Variants in TFEC observed in about 807,000 individuals in gnomAD.
TFEC encodes transcription factor EC.
In TFEC, 31 loss-of-function variants were observed where a neutral mutation model predicts 41.6. The observed-to-expected ratio is 0.74, with a 90% CI of 0.56 to 1.01. The LOEUF (loss-of-function observed/expected upper bound fraction) is 1.01. TFEC is among the 50% of genes least tolerant of loss of function. The pLI is 0.00. For missense variants in TFEC, 402 were observed against 404.1 expected, an observed-to-expected ratio of 0.99 and a Z score of 0.04; for synonymous variants, 143 against 140.6, an observed-to-expected ratio of 1.02 and a Z score of -0.12.
At chr7:116,144,763 G>A (rs1798609721) in intron 1 of TFEC, among the ~76,000 whole-genome samples, 1 of 152,168 alleles carries the variant, frequency 6.6e-6, no homozygotes, top group South Asian at 2.1e-4. Context: ...AAGATTTCCA[G>A]AAGAAGCAGC....
intron 1 of TFEC, among the ~76,000 whole-genome samples, chr7:116,013,477 T>C (rs1795077787): frequency 6.6e-6 from 1 of 152,132 alleles, no homozygotes. Flanking sequence ...CCTCATGGAC[T>C]AACTGAAAGC....
chr7:115,952,545 T>C (rs1231240369), intron 5 of TFEC, among the ~76,000 whole-genome samples: 1 of 152,088 alleles, frequency 6.6e-6, no homozygotes, highest in Non-Finnish European at 1.5e-5. Context: ...CTGTCACATT[T>C]CTTTAAGATA....
intron 1 of TFEC, among the ~76,000 whole-genome samples, chr7:116,025,046 G>A (rs540343281): frequency 4.6e-5 from 7 of 152,194 alleles, no homozygotes; most frequent in South Asian, 2.1e-4. Context: ...GAGACAGCTC[G>A]GTATAACCAG....
intron 3 of TFEC, among the ~76,000 whole-genome samples, chr7:116,108,851 T>C (rs1233119846): frequency 6.6e-6 from 1 of 152,172 alleles, no homozygotes; most frequent in East Asian, 1.9e-4. Flanking sequence ...ATCTTTCACA[T>C]TGAATAAGTC....
In TFEC at chr7:115,936,661, A is replaced by G. The variant is rs1362821495; in HGVS notation, c.*3890T>C. On this transcript the variant is annotated 3_prime_UTR_variant, in exon 8 of 8. Coordinates refer to ENST00000265440, the MANE Select transcript of TFEC (RefSeq NM_012252.4). ...CCTATATGACTCAGTTTTTCAAAAT[A>G]AAATAAAAATATATTCCTTTTAAAG... 1 of 151,694 alleles carries G rather than the reference A, an allele frequency of 6.6e-6. No homozygotes were observed. The highest frequency in any genetic ancestry group is 1.5e-5 in the Non-Finnish European group (1 of 67,672). 9.4% of individuals were successfully genotyped at this position (151,694 alleles called of 1,614,324 possible). A position where few individuals can be genotyped will look rare whatever the true frequency, so the allele number is the denominator to read the frequency against.
At chr7:116,046,766 C>T (rs574427996) in intron 3 of TFEC, among the ~76,000 whole-genome samples, 7 of 152,306 alleles carry the variant, frequency 4.6e-5, no homozygotes, top group Admixed American at 2.6e-4. Context: ...AACTGCACAA[C>T]ATATAATTAA....
At chr7:116,146,296 G>A (rs4727827) in intron 1 of TFEC, among the ~76,000 whole-genome samples, 141,520 of 152,196 alleles carry the variant, frequency 0.93, 65,975 homozygotes, top group Middle Eastern at 0.98. Context: ...GATGACAGGC[G>A]GAGTCCAGGA....
intron 1 of TFEC, among the ~76,000 whole-genome samples, chr7:115,989,516 A>C (rs892492238): frequency 1.7e-4 from 26 of 152,208 alleles, no homozygotes; most frequent in African/African-American, 6.0e-4. Flanking sequence ...CATGACAGAC[A>C]GTACCTGGAA....
chr7:116,050,422 T>C, intron 3 of TFEC, among the ~76,000 whole-genome samples: 1 of 152,116 alleles, frequency 6.6e-6, no homozygotes, highest in East Asian at 1.9e-4. Flanking sequence ...ATATCCAGAA[T>C]CTACAAAGAA....
intron 1 of TFEC, among the ~76,000 whole-genome samples, chr7:116,008,098 G>A (rs373162768): frequency 1.3e-5 from 2 of 152,124 alleles, no homozygotes; most frequent in South Asian, 2.1e-4. Flanking sequence ...AGATAAATCC[G>A]CTTCTTGGGT....
At chr7:116,001,907 A>C (rs912605938) in intron 1 of TFEC, among the ~76,000 whole-genome samples, 7 of 152,156 alleles carry the variant, frequency 4.6e-5, no homozygotes, top group Admixed American at 4.6e-4. Context: ...GACATACAAA[A>C]AGGTATATAA....
chr7:115,984,933 C>T (rs1793784811), intron 1 of TFEC, among the ~76,000 whole-genome samples: 1 of 151,966 alleles, frequency 6.6e-6, no homozygotes, highest in South Asian at 2.1e-4. Flanking sequence ...ATGATCAAAA[C>T]TTTGTTCTTA....
chr7:115,964,102 C>T (rs760209511), intron 3 of TFEC, among the ~76,000 whole-genome samples: 5 of 151,472 alleles, frequency 3.3e-5, no homozygotes, highest in Non-Finnish European at 1.5e-5. Context: ...ATGATCTATG[C>T]TCACGGTTGA....
At chr7:116,089,303 G>T (rs752216715) in intron 3 of TFEC, among the ~76,000 whole-genome samples, 8 of 152,124 alleles carry the variant, frequency 5.3e-5, no homozygotes, top group Admixed American at 2.0e-4. Context: ...ACACAAGGAT[G>T]AATAAAGTAC....
chr7:116,017,524 T>C (rs552325624), intron 1 of TFEC, among the ~76,000 whole-genome samples: 1 of 152,208 alleles, frequency 6.6e-6, no homozygotes, highest in Non-Finnish European at 1.5e-5. Context: ...CCCGGCACTT[T>C]CCATTTTATC....
intron 3 of TFEC, among the ~76,000 whole-genome samples, chr7:116,076,424 A>G (rs911158969): frequency 9.2e-5 from 14 of 152,076 alleles, no homozygotes; most frequent in Non-Finnish European, 1.6e-4. Flanking sequence ...ACCAAGATGA[A>G]ATCTCTGAAT....
At chr7:116,064,620 G>A (rs1056720442) in intron 3 of TFEC, among the ~76,000 whole-genome samples, 2 of 151,998 alleles carry the variant, frequency 1.3e-5, no homozygotes, top group Admixed American at 6.6e-5. Context: ...CCTAGATGAC[G>A]GGTTGATAGG....
chr7:115,975,229 T>C (rs911793513), intron 2 of TFEC, among the ~76,000 whole-genome samples: 2 of 152,098 alleles, frequency 1.3e-5, no homozygotes, highest in South Asian at 4.1e-4. Context: ...TCTCTCTCTC[T>C]CTCTTTCTCT....
At chr7:116,022,690 G>A (rs1341021107) in intron 1 of TFEC, among the ~76,000 whole-genome samples, 3 of 152,220 alleles carry the variant, frequency 2.0e-5, no homozygotes, top group Middle Eastern at 3.4e-3. Context: ...ATAGTATTTT[G>A]TAATGTATTC....
Sources: allele counts gnomAD v4.1 joint callset (sites outside exome capture counted in the v4.1 genomes callset), GRCh38; gene constraint gnomAD v4.1.1; transcripts MANE v1.5; gene names NCBI Gene and HGNC (gene_info 2026-07-23, HGNC 2026-07-21).